CCDC169: variants seen among roughly 807,000 people sequenced by gnomAD.
The protein encoded by CCDC169 is coiled-coil domain containing 169.
CCDC169 carries 30 observed loss-of-function variants against 36.0 expected under a neutral mutation model. That is an observed-to-expected ratio of 0.83 (90% confidence interval 0.62 to 1.13). The LOEUF (loss-of-function observed/expected upper bound fraction) is 1.13. Among genes scored for constraint, CCDC169 ranks in the 50% most tolerant of loss-of-function variants. CCDC169 has a pLI of 0.00. For missense variants in CCDC169, 245 were observed against 245.9 expected (o/e 1.00, Z 0.03); for synonymous variants, 85 against 81.5 (o/e 1.04, Z -0.23).
chr13:36,242,921 C>T (rs1394832412), intron 7 of CCDC169, among the ~76,000 whole-genome samples: 1 of 152,120 alleles, frequency 6.6e-6, no homozygotes, highest in Non-Finnish European at 1.5e-5. Flanking sequence ...GAGTTTGGCA[C>T]CCAGGTGATC....
At chr13:36,242,559 A>G (rs1247610619) in intron 7 of CCDC169, among the ~76,000 whole-genome samples, 3 of 152,172 alleles carry the variant, frequency 2.0e-5, no homozygotes, top group Non-Finnish European at 4.4e-5. Flanking sequence ...TGTTTCTATT[A>G]GATGAGTGAT....
chr13:36,289,049 T>A (rs1368497189), intron 2 of CCDC169, among the ~76,000 whole-genome samples: 1 of 152,176 alleles, frequency 6.6e-6, no homozygotes, highest in Non-Finnish European at 1.5e-5. Context: ...TGGCTATAAT[T>A]AGAAGGGAAT....
At chr13:36,289,684 G>T (rs777077886) in intron 2 of CCDC169, among the ~76,000 whole-genome samples, 12 of 152,086 alleles carry the variant, frequency 7.9e-5, no homozygotes, top group Non-Finnish European at 1.5e-4. Context: ...TTCATATGTT[G>T]TCTTCATTAG....
chr13:36,292,058 T>C (rs1356249443), intron 2 of CCDC169, among the ~76,000 whole-genome samples: 1 of 151,776 alleles, frequency 6.6e-6, no homozygotes, highest in Non-Finnish European at 1.5e-5. Flanking sequence ...GTGCAATCTT[T>C]GCTCACTGCA....
chr13:36,286,304 T>C lies in CCDC169; in HGVS notation c.164-2602A>G, dbSNP rs1401960682. Among the ~76,000 whole-genome samples the C allele has an allele frequency of 5.9e-5, 9 of 152,220 alleles. No homozygotes were observed. In the East Asian group the frequency reaches 1.2e-3, roughly 20 times the overall value. On this transcript the variant is annotated intron_variant, in intron 2 of 7. Coordinates refer to ENST00000239859, the MANE Select transcript of CCDC169 (RefSeq NM_001144981.3). ...GACCTCTGGAGAAGCTGAGAAACTA[T>C]GGAACTAGGTGCATTAGTCAGAGTG...
At chr13:36,256,995 C>T (rs531098551) in intron 4 of CCDC169, among the ~76,000 whole-genome samples, 2 of 152,310 alleles carry the variant, frequency 1.3e-5, no homozygotes, top group African/African-American at 4.8e-5. Flanking sequence ...CTCCTGAGGG[C>T]TCTGCAGCTC....
rs1172877649 is a variant in CCDC169, at chr13:36,231,383, A to C, written c.546-91T>G. 4.0e-6 allele frequency: 5 copies of C among 1,255,134 alleles called. No individual in the cohort carries two copies. In the East Asian group the frequency reaches 1.3e-4, roughly 32 times the overall value. The allele number at this position is 1,255,134 out of a possible 1,614,324, so 77.7% of individuals were successfully genotyped here. A position where few individuals can be genotyped will look rare whatever the true frequency, so the allele number is the denominator to read the frequency against. On this transcript the variant is annotated intron_variant, in intron 7 of 7. Coordinates refer to ENST00000239859, the MANE Select transcript of CCDC169 (RefSeq NM_001144981.3). ...CCACACAGGAAGAAATGTATATTGC[A>C]CCTTGTTCCCCCCAACAGACCTTCA... is the stretch of plus-strand genomic sequence containing the variant.
intron 6 of CCDC169, among the ~76,000 whole-genome samples, chr13:36,252,851 T>G (rs1328637): frequency 0.41 from 61,625 of 152,056 alleles, 13,270 homozygotes; most frequent in Non-Finnish European, 0.48. Context: ...ATCCTAATCT[T>G]AAAACATATG....
intron 4 of CCDC169, among the ~76,000 whole-genome samples, chr13:36,277,195 C>T (rs546934068): frequency 9.9e-5 from 15 of 152,188 alleles, no homozygotes; most frequent in African/African-American, 3.1e-4. Context: ...CCATTTCCCT[C>T]AGTAAACTAA....
At chr13:36,270,585 T>C (rs1594058767) in intron 4 of CCDC169, among the ~76,000 whole-genome samples, 1 of 152,248 alleles carries the variant, frequency 6.6e-6, no homozygotes, top group East Asian at 1.9e-4. Flanking sequence ...CATAGATTAA[T>C]GGAACAGAAT....
In CCDC169 at chr13:36,254,280, T is replaced by A. The variant is rs1295942763; in HGVS notation, c.316-137A>T. Reference sequence around the variant, plus strand: ...TCATAATTCTATGATATGTACTTTTTTTTTTTTTTTTTTTAGACAGAGTCT... The same window carrying A: ...TCATAATTCTATGATATGTACTTTTATTTTTTTTTTTTTTAGACAGAGTCT... On this transcript the variant is annotated intron_variant, in intron 4 of 7. Transcript: ENST00000239859. The A allele has an allele frequency of 6.3e-5, 35 of 554,402 alleles. 2 individuals carry two copies. The Admixed American group carries it at 1.2e-3, about 18-fold the overall frequency. 34.3% of individuals were successfully genotyped at this position (554,402 alleles called of 1,614,324 possible). A position where few individuals can be genotyped will look rare whatever the true frequency, so the allele number is the denominator to read the frequency against.
chr13:36,242,514 T>C (rs1871957610), intron 7 of CCDC169, among the ~76,000 whole-genome samples: 1 of 152,206 alleles, frequency 6.6e-6, no homozygotes, highest in Non-Finnish European at 1.5e-5. Flanking sequence ...ACCAATTATA[T>C]ATACCTAATT....
At chr13:36,233,539 G>A (rs1870704723) in intron 7 of CCDC169, among the ~76,000 whole-genome samples, 1 of 124,176 alleles carries the variant, frequency 8.1e-6, no homozygotes, top group African/African-American at 2.8e-5. Flanking sequence ...AGAACTAAAG[G>A]AAATCATATC....
At chr13:36,281,390 G>T in intron 4 of CCDC169, 1 of 349,904 alleles carries the variant, frequency 2.9e-6, no homozygotes, top group South Asian at 2.4e-5. Flanking sequence ...TTACCCCACT[G>T]AAAGACACTT....
intron 7 of CCDC169, among the ~76,000 whole-genome samples, chr13:36,246,884 A>T (rs1355943031): frequency 2.6e-5 from 4 of 152,132 alleles, no homozygotes; most frequent in Admixed American, 2.0e-4. Flanking sequence ...TGTGACTTTT[A>T]AAAAAATATA....
chr13:36,255,735 A>G (rs1162251506), intron 4 of CCDC169, among the ~76,000 whole-genome samples: 38 of 149,484 alleles, frequency 2.5e-4, no homozygotes, highest in Non-Finnish European at 1.5e-5. Context: ...CCTTCTTTGG[A>G]TTTCTTCCCA....
chr13:36,253,467 G>C (rs1459439972), intron 6 of CCDC169, among the ~76,000 whole-genome samples: 1 of 150,750 alleles, frequency 6.6e-6, no homozygotes. Flanking sequence ...CCTCTGAGTA[G>C]CTGGGACTAC....
At chr13:36,260,289 C>G (rs531619233) in intron 4 of CCDC169, among the ~76,000 whole-genome samples, 1 of 152,226 alleles carries the variant, frequency 6.6e-6, no homozygotes, top group East Asian at 1.9e-4. Context: ...AAAAGAGGTA[C>G]AGGCAAAGAC....
Position 36,297,773 on chromosome 13 carries a change from G to T in CCDC169, c.-54C>A. On this transcript the variant is annotated 5_prime_UTR_variant, in exon 1 of 8. Transcript: ENST00000239859. ...TTCCCCTCAGCACCTTAGAGCACAAGACATTAAGGGCCACCCAGAAGCCAG... is the reference window on the plus strand; with the variant it reads ...TTCCCCTCAGCACCTTAGAGCACAATACATTAAGGGCCACCCAGAAGCCAG... 2 of 1,488,324 alleles carry T rather than the reference G, an allele frequency of 1.3e-6. No individual in the cohort carries two copies. The highest frequency in any genetic ancestry group is 1.2e-5 in the South Asian group (1 of 82,866). The allele number at this position is 1,488,324 out of a possible 1,614,324, so 92.2% of individuals were successfully genotyped here. A position where few individuals can be genotyped will look rare whatever the true frequency, so the allele number is the denominator to read the frequency against.
Sources: allele counts gnomAD v4.1 joint callset (sites outside exome capture counted in the v4.1 genomes callset), GRCh38; gene constraint gnomAD v4.1.1; transcripts MANE v1.5; gene names NCBI Gene and HGNC (gene_info 2026-07-23, HGNC 2026-07-21).